AGBL1: variants seen among roughly 807,000 people sequenced by gnomAD.
The protein encoded by AGBL1 is cytosolic carboxypeptidase 4.
In AGBL1, 130 loss-of-function variants were observed where a neutral mutation model predicts 118.9. The ratio of observed to expected loss-of-function variants is 1.09; its 90% CI spans 0.95 to 1.26. The LOEUF (loss-of-function observed/expected upper bound fraction) is 1.26. Ranked by LOEUF, AGBL1 falls within the 50% of genes most tolerant of loss-of-function variation. AGBL1 has a pLI of 0.00. For missense variants in AGBL1, 1,584 were observed against 1,298.1 expected (o/e 1.22, Z -3.38); for synonymous variants, 555 against 478.9 (o/e 1.16, Z -2.08).
At chr15:86,357,157 A>G (rs940442436) in intron 17 of AGBL1, among the ~76,000 whole-genome samples, 1 of 152,202 alleles carries the variant, frequency 6.6e-6, no homozygotes, top group African/African-American at 2.4e-5. Context: ...TGTATGTAAA[A>G]GAGGGATTTA....
chr15:86,934,895 G>T (rs2080648495), intron 23 of AGBL1, among the ~76,000 whole-genome samples: 1 of 152,156 alleles, frequency 6.6e-6, no homozygotes, highest in Non-Finnish European at 1.5e-5. Flanking sequence ...GAAATTGTTG[G>T]TAGGACGATA....
chr15:86,411,585 G>A (rs2081621945), intron 18 of AGBL1, among the ~76,000 whole-genome samples: 1 of 151,896 alleles, frequency 6.6e-6, no homozygotes, highest in Admixed American at 6.6e-5. Flanking sequence ...CTCCTTCATT[G>A]CCCACCTTCC....
At chr15:87,001,404 C>T (rs1458673496) in intron 24 of AGBL1, among the ~76,000 whole-genome samples, 1 of 151,984 alleles carries the variant, frequency 6.6e-6, no homozygotes, top group Non-Finnish European at 1.5e-5. Context: ...GGCTTGGATC[C>T]AAGTCTTCGC....
chr15:86,575,904 C>T (rs1333373524), intron 21 of AGBL1, among the ~76,000 whole-genome samples: 7 of 152,168 alleles, frequency 4.6e-5, no homozygotes, highest in Non-Finnish European at 8.8e-5. Flanking sequence ...CCTTCATGAC[C>T]TTTGACTCTG....
intron 18 of AGBL1, among the ~76,000 whole-genome samples, chr15:86,510,961 G>C (rs1567032723): frequency 6.6e-6 from 1 of 152,044 alleles, no homozygotes; most frequent in African/African-American, 2.4e-5. Flanking sequence ...CATAATATCA[G>C]CTTGGAGCTG....
chr15:86,784,206 T>A (rs2078374372), intron 22 of AGBL1, among the ~76,000 whole-genome samples: 1 of 152,180 alleles, frequency 6.6e-6, no homozygotes, highest in Admixed American at 6.5e-5. Flanking sequence ...AAGCTCTTAG[T>A]GCCATGTTAA....
intron 6 of AGBL1, among the ~76,000 whole-genome samples, chr15:86,244,776 G>A (rs2078694677): frequency 6.6e-6 from 1 of 151,998 alleles, no homozygotes; most frequent in South Asian, 2.1e-4. Flanking sequence ...TGCTGCCCAC[G>A]GGGCCCCTGT....
intron 4 of AGBL1, among the ~76,000 whole-genome samples, chr15:86,156,799 T>C (rs942365203): frequency 6.0e-5 from 9 of 150,022 alleles, no homozygotes; most frequent in East Asian, 1.9e-4. Flanking sequence ...TCTTTCTTTT[T>C]TTTTTTTTTT....
chr15:86,921,115 T>G (rs565035828), downstream of AGBL1, among the ~76,000 whole-genome samples: 2 of 152,238 alleles, frequency 1.3e-5, no homozygotes, highest in Admixed American at 6.5e-5. Flanking sequence ...TACGTGGTGG[T>G]TATACATTGG....
At chr15:86,662,474 C>G (rs1043730569) in intron 21 of AGBL1, among the ~76,000 whole-genome samples, 17 of 152,202 alleles carry the variant, frequency 1.1e-4, no homozygotes, top group African/African-American at 4.1e-4. Flanking sequence ...TCCCAGAGAG[C>G]TGACTACCAA....
chr15:86,649,382 A>G (rs1241298179), intron 21 of AGBL1, among the ~76,000 whole-genome samples: 1 of 152,176 alleles, frequency 6.6e-6, no homozygotes, highest in Non-Finnish European at 1.5e-5. Flanking sequence ...GAGGTAAGTA[A>G]TTGTTCAACA....
chr15:86,683,494 C>A lies in AGBL1; in HGVS notation c.3158+9058C>A, dbSNP rs192001618. 5.9e-5 allele frequency among the ~76,000 whole-genome samples: 9 copies of A among 152,214 alleles called. No homozygotes were observed. In the East Asian group the frequency reaches 1.5e-3, roughly 26 times the overall value. On this transcript the variant is annotated intron_variant, in intron 22 of 22. Coordinates refer to ENST00000614907, the MANE Select transcript of AGBL1 (RefSeq NM_001386094.1). The stretch of plus-strand genomic sequence containing the variant: ...CCATGAAAGTTAACCTAAAATAATG[C>A]CTATTTTACAAGTGACTCCATGGGA...
At chr15:86,607,012 C>A (rs2084587108) in intron 21 of AGBL1, among the ~76,000 whole-genome samples, 1 of 147,324 alleles carries the variant, frequency 6.8e-6, no homozygotes, top group Admixed American at 6.8e-5. Context: ...ATTTTAAAAA[C>A]TCTCTCCATA....
At chr15:86,194,039 C>A (rs761484628) in intron 5 of AGBL1, among the ~76,000 whole-genome samples, 74 of 152,184 alleles carry the variant, frequency 4.9e-4, no homozygotes, top group Non-Finnish European at 9.7e-4. Flanking sequence ...GAATTCTGTC[C>A]TGATACTTGC....
intron 18 of AGBL1, among the ~76,000 whole-genome samples, chr15:86,470,383 C>T (rs1311489149): frequency 1.3e-5 from 2 of 152,106 alleles, no homozygotes; most frequent in Admixed American, 1.3e-4. Context: ...ATTGTAATTG[C>T]ATGGATTAAT....
chr15:86,338,440 T>C (rs2080408119), intron 17 of AGBL1, among the ~76,000 whole-genome samples: 1 of 152,002 alleles, frequency 6.6e-6, no homozygotes, highest in Non-Finnish European at 1.5e-5. Flanking sequence ...TTTGGCACCA[T>C]TGGTGGCTTG....
chr15:86,782,325 A>T (rs964925000), intron 22 of AGBL1, among the ~76,000 whole-genome samples: 1 of 152,142 alleles, frequency 6.6e-6, no homozygotes, highest in African/African-American at 2.4e-5. Context: ...ATTTGACTCT[A>T]TGCTACCTGG....
intron 22 of AGBL1, among the ~76,000 whole-genome samples, chr15:86,893,036 G>T (rs899879558): frequency 3.3e-5 from 5 of 152,176 alleles, no homozygotes; most frequent in African/African-American, 9.7e-5. Context: ...GAATAGCAGG[G>T]TGTGGGCAAT....
chr15:86,869,543 A>G (rs1489527399), intron 22 of AGBL1, among the ~76,000 whole-genome samples: 3 of 152,178 alleles, frequency 2.0e-5, no homozygotes, highest in Non-Finnish European at 4.4e-5. Context: ...TCTAGAAGTC[A>G]TGAGGGGCAT....
Sources: gnomAD v4.1 joint callset for allele counts (sites outside exome capture counted in the v4.1 genomes callset) on GRCh38, gnomAD v4.1.1 for gene constraint, MANE v1.5 for transcripts, NCBI Gene and HGNC (gene_info 2026-07-23, HGNC 2026-07-21) for gene names.